FBXO38: variants seen among roughly 807,000 people sequenced by gnomAD.
FBXO38 encodes the protein F-box only protein 38.
FBXO38 carries 53 observed loss-of-function variants against 131.9 expected under a neutral mutation model. The ratio of observed to expected loss-of-function variants is 0.40; its 90% CI spans 0.32 to 0.51. The LOEUF is 0.51. Ranked by LOEUF, FBXO38 falls within the 20% of genes least tolerant of loss-of-function variation. The probability of loss-of-function intolerance (pLI) is 0.53; values close to 1 mark genes in which losing one functional copy is unlikely to be tolerated. For synonymous variants in FBXO38, 452 were observed against 505.6 expected (o/e 0.89, Z 1.42); for missense variants, 1,076 against 1,475.6 (o/e 0.73, Z 4.44).
intron 9 of FBXO38, among the ~76,000 whole-genome samples, chr5:148,411,287 AT>A: frequency 6.6e-6 from 1 of 152,248 alleles, no homozygotes; most frequent in South Asian, 2.1e-4. Context: ...TGTTCACAGC[AT>A]TTTCTTACCC....
chr5:148,416,018 T>C lies in FBXO38; in HGVS notation c.1355T>C (p.Leu452Ser). The C allele has an allele frequency of 1.9e-6, 3 of 1,613,162 alleles. No homozygotes were observed. Among genetic ancestry groups the C allele is most frequent in the South Asian group, 1.1e-5 (1 of 90,978 alleles). The change falls in exon 11 of 22, where the codon TTA becomes TCA. Residue 452 changes from leucine (L) to serine (S), a missense_variant. This residue lies in a region of FBXO38 where 146 missense variants were observed against 274.3 expected (regional missense o/e 0.53). Transcript: ENST00000340253. ...TCTTTTGGCCAGTTTATTGAATTATTACCCAGCCTAGAGTTTATTTCACTG... is the reference window on the plus strand; with the variant it reads ...TCTTTTGGCCAGTTTATTGAATTATCACCCAGCCTAGAGTTTATTTCACTG... ...LDSFGQFIEL[L>S]PSLEFISLDQ...
intron 11 of FBXO38, chr5:148,416,721 AT>A: frequency 2.5e-6 from 1 of 404,042 alleles, no homozygotes; most frequent in Non-Finnish European, 4.5e-6. Context: ...CTGGTTTCAA[AT>A]TGCGGCTCTA....
intron 15 of FBXO38, among the ~76,000 whole-genome samples, chr5:148,431,686 G>T (rs899276372): frequency 6.6e-6 from 1 of 152,174 alleles, no homozygotes; most frequent in Non-Finnish European, 1.5e-5. Context: ...TGGCTATCAG[G>T]TGAAATGTGC....
rs764602730 is a variant in FBXO38, at chr5:148,440,479, A to C, written c.3226A>C (p.Lys1076Gln). ...AGCCACTCGAAGTGAAGAAGACTTA[A>C]AGAAATACCCCAAGTACCCCTGGGG... ...PEATRSEEDL[K>Q]KYPKYPWGRE... The change falls in exon 20 of 22, where the codon AAG becomes CAG. Residue 1076 changes from lysine (K) to glutamine (Q), a missense_variant. Coordinates refer to ENST00000340253, the MANE Select transcript of FBXO38 (RefSeq NM_205836.3). The C allele has an allele frequency of 6.2e-7, 1 of 1,612,824 alleles. No individual in the cohort carries two copies. The highest frequency in any genetic ancestry group is 8.5e-7 in the Non-Finnish European group (1 of 1,178,860).
In FBXO38 at chr5:148,433,530, G is replaced by GA. The variant is rs778971526; in HGVS notation, c.2754+12dup. On this transcript the variant is annotated splice_region_variant and intron_variant, in intron 16 of 21. Transcript: ENST00000340253. ...TCGAGGATGACCATGTGCAGGTAGA[G>GA]AAAAAACCCTCACTTACCTTTATCA... is the stretch of plus-strand genomic sequence containing the variant. The GA allele has an allele frequency of 4.9e-5, 78 of 1,602,024 alleles. No homozygotes were observed. The highest frequency in any genetic ancestry group is 1.1e-4 in the South Asian group (10 of 89,948).
At chr5:148,439,313 C>G (rs1754537425) in intron 18 of FBXO38, among the ~76,000 whole-genome samples, 1 of 152,220 alleles carries the variant, frequency 6.6e-6, no homozygotes, top group African/African-American at 2.4e-5. Context: ...TACACATTCA[C>G]AGTTCTATAA....
chr5:148,390,288 C>T (rs544757098), intron 1 of FBXO38, among the ~76,000 whole-genome samples: 7 of 152,286 alleles, frequency 4.6e-5, no homozygotes, highest in African/African-American at 1.7e-4. Flanking sequence ...AGCTTTTTAT[C>T]TCCTGAACAT....
intron 2 of FBXO38, 120 bp downstream of exon 2, chr5:148,395,024 A>G: frequency 8.9e-7 from 1 of 1,117,698 alleles, no homozygotes; most frequent in Admixed American, 3.0e-5. Context: ...TTAAGTAAAA[A>G]TGTAAAATTT....
intron 8 of FBXO38, among the ~76,000 whole-genome samples, chr5:148,409,916 A>C (rs1262972230): frequency 6.6e-6 from 1 of 152,210 alleles, no homozygotes; most frequent in African/African-American, 2.4e-5. Context: ...AGCTAGCCTA[A>C]GCAAAATGTC....
intron 10 of FBXO38, 90 bp from the exon 11 acceptor site, chr5:148,415,838 T>G: frequency 7.5e-7 from 1 of 1,340,304 alleles, no homozygotes; most frequent in Non-Finnish European, 1.0e-6. Flanking sequence ...AAAAAAAGGA[T>G]TTGAAAGTCT....
intron 12 of FBXO38, among the ~76,000 whole-genome samples, chr5:148,421,259 C>T (rs190054746): frequency 4.6e-4 from 70 of 152,222 alleles, no homozygotes; most frequent in African/African-American, 1.4e-3. Flanking sequence ...CCACCACGCC[C>T]GGCCAAGAAT....
At chr5:148,397,764 C>T (rs567209561) in intron 2 of FBXO38, 1 of 152,254 alleles carries the variant, frequency 6.6e-6, no homozygotes, top group South Asian at 2.1e-4. Context: ...GACCCTTTCT[C>T]CCTCTTACCT....
At chr5:148,399,345 C>T in intron 3 of FBXO38, 1 of 551,628 alleles carries the variant, frequency 1.8e-6, no homozygotes, top group Non-Finnish European at 3.2e-6. Flanking sequence ...TTTTCATTTC[C>T]TGTCCTTAAG....
intron 15 of FBXO38, among the ~76,000 whole-genome samples, chr5:148,429,821 C>A (rs994362225): frequency 2.6e-5 from 4 of 151,992 alleles, no homozygotes; most frequent in Non-Finnish European, 5.9e-5. Flanking sequence ...TATCCCTTAA[C>A]TATTTTATTC....
intron 15 of FBXO38, among the ~76,000 whole-genome samples, chr5:148,429,379 G>T (rs1230259525): frequency 6.6e-6 from 1 of 150,514 alleles, no homozygotes. Context: ...TTCAATATTG[G>T]TTATGGATGT....
chr5:148,406,423 T>G, intron 7 of FBXO38, 29 bp downstream of exon 7: 1 of 1,496,930 alleles, frequency 6.7e-7, no homozygotes, highest in Non-Finnish European at 9.0e-7. Flanking sequence ...TACTAAATAT[T>G]TTTTAAAAAT....
intron 2 of FBXO38, among the ~76,000 whole-genome samples, chr5:148,397,330 G>C (rs1758535235): frequency 6.6e-6 from 1 of 152,062 alleles, no homozygotes; most frequent in Non-Finnish European, 1.5e-5. Flanking sequence ...CTACTTCTTA[G>C]GGAAAATATG....
intron 17 of FBXO38, among the ~76,000 whole-genome samples, chr5:148,437,432 GTC>G (rs1417332845): frequency 2.0e-5 from 3 of 152,184 alleles, no homozygotes; most frequent in African/African-American, 7.2e-5. Context: ...AGAGGCGGGA[GTC>G]TCTCTCAGTG....
At chr5:148,433,322 T>G in intron 15 of FBXO38, 102 bp from the exon 16 acceptor site, 2 of 768,640 alleles carry the variant, frequency 2.6e-6, no homozygotes, top group Admixed American at 2.5e-5. Flanking sequence ...ATTGTAGATT[T>G]GGGAATTACC....
Sources: gnomAD v4.1 joint callset for allele counts (sites outside exome capture counted in the v4.1 genomes callset) on GRCh38, gnomAD v4.1.1 for gene constraint, gnomAD v4.1.1 regional missense constraint, MANE v1.5 for transcripts, NCBI Gene and HGNC (gene_info 2026-07-23, HGNC 2026-07-21) for gene names.